The following SMYD3 variants were observed in gnomAD, a reference collection of about 807,000 sequenced individuals.
The protein encoded by SMYD3 is histone-lysine N-methyltransferase SMYD3.
In SMYD3, 36 loss-of-function variants were observed where a neutral mutation model predicts 57.7. That is an observed-to-expected ratio of 0.62 (90% CI 0.48 to 0.82). The LOEUF is 0.82. Ranked by LOEUF, SMYD3 falls within the 40% of genes least tolerant of loss-of-function variation. The probability of loss-of-function intolerance (pLI) is 0.00; values close to 1 mark genes in which losing one functional copy is unlikely to be tolerated. For missense variants in SMYD3, 515 were observed against 538.8 expected (o/e 0.96, Z 0.44); for synonymous variants, 211 against 195.0 (o/e 1.08, Z -0.68).
intron 5 of SMYD3, among the ~76,000 whole-genome samples, chr1:246,129,677 T>C (rs2061559539): frequency 6.6e-6 from 1 of 152,142 alleles, no homozygotes; most frequent in South Asian, 2.1e-4. Flanking sequence ...AAAAACTCAC[T>C]AGAGGTTACA....
chr1:246,169,922 G>A (rs1054100354), intron 5 of SMYD3, among the ~76,000 whole-genome samples: 5 of 150,942 alleles, frequency 3.3e-5, no homozygotes, highest in African/African-American at 1.2e-4. Flanking sequence ...AAAAGATACA[G>A]CAAGAAATCT....
Position 246,421,346 on chromosome 1 carries a change from T to C in SMYD3, c.165-66252A>G, listed in dbSNP as rs186168045. Among the ~76,000 whole-genome samples, 36 of 152,086 alleles carry C rather than the reference T, an allele frequency of 2.4e-4. 1 individual carries two copies. The East Asian group carries it at 5.8e-3, about 24-fold the overall frequency. ...TGCCATTACTAATTCTGTAAACCAGTAAAAGTTACCAAAAGAATTTTAATA... is the reference window on the plus strand; with the variant it reads ...TGCCATTACTAATTCTGTAAACCAGCAAAAGTTACCAAAAGAATTTTAATA... On this transcript the variant is annotated intron_variant, in intron 1 of 11. Transcript: ENST00000490107.
chr1:246,311,693 T>C (rs1206505116), intron 5 of SMYD3, among the ~76,000 whole-genome samples: 1 of 152,162 alleles, frequency 6.6e-6, no homozygotes, highest in Non-Finnish European at 1.5e-5. Context: ...ACCCCAGCCA[T>C]AACTAGGCCT....
chr1:246,162,509 C>T (rs1487853107), intron 5 of SMYD3, among the ~76,000 whole-genome samples: 1 of 152,152 alleles, frequency 6.6e-6, no homozygotes, highest in East Asian at 1.9e-4. Flanking sequence ...ATTTAAAATT[C>T]TTATCTCCTC....
At chr1:246,045,959 A>C (rs954881305) in intron 5 of SMYD3, among the ~76,000 whole-genome samples, 1 of 152,204 alleles carries the variant, frequency 6.6e-6, no homozygotes, top group Non-Finnish European at 1.5e-5. Flanking sequence ...GGCGATCATT[A>C]AAAAGTCAGG....
At chr1:246,218,850 C>T (rs1208883371) in intron 5 of SMYD3, among the ~76,000 whole-genome samples, 1 of 152,132 alleles carries the variant, frequency 6.6e-6, no homozygotes, top group Non-Finnish European at 1.5e-5. Context: ...AAGAGGAAAC[C>T]AGTAACATTC....
intron 10 of SMYD3, among the ~76,000 whole-genome samples, chr1:245,852,363 A>G (rs1255464736): frequency 6.6e-6 from 1 of 152,246 alleles, no homozygotes; most frequent in Non-Finnish European, 1.5e-5. Flanking sequence ...AAAGCTGGGC[A>G]ATGAAGGTCT....
chr1:246,026,628 GCAC>G (rs912077661), intron 5 of SMYD3, among the ~76,000 whole-genome samples: 1 of 152,142 alleles, frequency 6.6e-6, no homozygotes, highest in African/African-American at 2.4e-5. Context: ...TTGTTTTGGG[GCAC>G]CATGAACAGT....
At chr1:246,316,541 GTTTTTTTTT>G (rs112553747) in intron 5 of SMYD3, among the ~76,000 whole-genome samples, 1 of 107,340 alleles carries the variant, frequency 9.3e-6, no homozygotes, top group Non-Finnish European at 1.8e-5. Flanking sequence ...TGTTGTTTTG[GTTTTTTTTT>G]TTTTTTTTTT....
intron 8 of SMYD3, among the ~76,000 whole-genome samples, chr1:245,894,434 C>T (rs749708644): frequency 2.6e-5 from 4 of 152,008 alleles, no homozygotes; most frequent in Admixed American, 6.5e-5. Flanking sequence ...CCTTCCACGC[C>T]GTGGAAGCTT....
chr1:246,237,450 C>A (rs1480185621), intron 5 of SMYD3, among the ~76,000 whole-genome samples: 1 of 152,130 alleles, frequency 6.6e-6, no homozygotes, highest in African/African-American at 2.4e-5. Context: ...AGGAGGGCTG[C>A]TGGAAATTCA....
chr1:246,368,677 G>A (rs1002540411), intron 1 of SMYD3, among the ~76,000 whole-genome samples: 2 of 152,166 alleles, frequency 1.3e-5, no homozygotes, highest in African/African-American at 4.8e-5. Context: ...TGAGTCAGTG[G>A]ACTGGGAAAG....
chr1:246,051,671 T>C (rs1397031339), intron 5 of SMYD3, among the ~76,000 whole-genome samples: 1 of 149,840 alleles, frequency 6.7e-6, no homozygotes, highest in Non-Finnish European at 1.5e-5. Flanking sequence ...AAAAGAAAAA[T>C]GTAATTTCAT....
intron 5 of SMYD3, among the ~76,000 whole-genome samples, chr1:246,098,403 A>C (rs1169447020): frequency 1.3e-5 from 2 of 152,218 alleles, no homozygotes; most frequent in Non-Finnish European, 2.9e-5. Flanking sequence ...AGAGGCCAAA[A>C]GGCACCATTC....
At chr1:245,752,207 A>C (rs566653979) in intron 11 of SMYD3, among the ~76,000 whole-genome samples, 2 of 152,318 alleles carry the variant, frequency 1.3e-5, no homozygotes, top group African/African-American at 4.8e-5. Flanking sequence ...TGATCTGGCA[A>C]AGGAAGATGA....
At chr1:245,842,369 A>G (rs536255212) in intron 10 of SMYD3, among the ~76,000 whole-genome samples, 1 of 152,240 alleles carries the variant, frequency 6.6e-6, no homozygotes, top group Admixed American at 6.5e-5. Flanking sequence ...TCCATAATTG[A>G]TTTTCGGCCA....
At chr1:246,416,541 C>T (rs950261258) in intron 1 of SMYD3, among the ~76,000 whole-genome samples, 2 of 117,680 alleles carry the variant, frequency 1.7e-5, no homozygotes, top group African/African-American at 6.4e-5. Flanking sequence ...AGAACAGTGT[C>T]CACTGGGAAA....
intron 5 of SMYD3, among the ~76,000 whole-genome samples, chr1:246,254,780 C>T (rs1572285979): frequency 6.6e-6 from 1 of 152,174 alleles, no homozygotes; most frequent in South Asian, 2.1e-4. Flanking sequence ...AATGTCTTTC[C>T]ACTTGTTTGT....
At chr1:245,751,571 A>AG (rs780355957) in intron 11 of SMYD3, among the ~76,000 whole-genome samples, 7 of 109,316 alleles carry the variant, frequency 6.4e-5, no homozygotes, top group Non-Finnish European at 1.1e-4. Context: ...AGACAGAGAG[A>AG]AAGAGAAAGA....
Sources: gnomAD v4.1 joint callset for allele counts (sites outside exome capture counted in the v4.1 genomes callset) on GRCh38, gnomAD v4.1.1 for gene constraint, MANE v1.5 for transcripts, NCBI Gene and HGNC (gene_info 2026-07-23, HGNC 2026-07-21) for gene names.